RGS5: variants seen among roughly 807,000 people sequenced by gnomAD.
RGS5 encodes regulator of G protein signaling 5, also known as regulator of G-protein signalling 5.
In RGS5, 20 loss-of-function variants were observed where a neutral mutation model predicts 18.9. The observed-to-expected ratio is 1.06, with a 90% CI of 0.74 to 1.54. RGS5 has a LOEUF of 1.54. Ranked by LOEUF, RGS5 falls within the 40% of genes most tolerant of loss-of-function variation. RGS5 has a pLI of 0.00. For missense variants in RGS5, 201 were observed against 211.8 expected (o/e 0.95, Z 0.32); for synonymous variants, 57 against 76.2 (o/e 0.75, Z 1.31).
chr1:163,262,169 TATTATACTCTAAG>T (rs1648460264), intron 2 of RGS5, among the ~76,000 whole-genome samples: 1 of 143,558 alleles, frequency 7.0e-6, no homozygotes, highest in African/African-American at 2.6e-5. Context: ...TTTTTTTTTT[TATTATACTCTAAG>T]TTTTAGGGTA....
chr1:163,261,301 A>T (rs1648428143), intron 2 of RGS5, among the ~76,000 whole-genome samples: 1 of 152,066 alleles, frequency 6.6e-6, no homozygotes, highest in Non-Finnish European at 1.5e-5. Context: ...TCTTCTAGGT[A>T]TGGCAGTTTT....
intron 2 of RGS5, among the ~76,000 whole-genome samples, chr1:163,253,241 C>G: frequency 6.6e-6 from 1 of 152,160 alleles, no homozygotes; most frequent in East Asian, 1.9e-4. Flanking sequence ...CCAGTTCTCT[C>G]ATCATTTTCT....
At chr1:163,294,188 C>G (rs905253545) in intron 2 of RGS5, among the ~76,000 whole-genome samples, 12 of 152,204 alleles carry the variant, frequency 7.9e-5, no homozygotes, top group African/African-American at 2.9e-4. Flanking sequence ...TCCAACCCCC[C>G]ATTTCCTTTC....
intron 1 of RGS5, among the ~76,000 whole-genome samples, chr1:163,172,961 T>C (rs1330422490): frequency 6.6e-6 from 1 of 152,152 alleles, no homozygotes; most frequent in African/African-American, 2.4e-5. Flanking sequence ...CTCACAGACA[T>C]ATGAAAATAA....
At chr1:163,317,207 A>G (rs1650050468) in intron 1 of RGS5, among the ~76,000 whole-genome samples, 2 of 152,112 alleles carry the variant, frequency 1.3e-5, no homozygotes, top group Admixed American at 1.3e-4. Flanking sequence ...GTGTTACCTA[A>G]ATCAGAGACT....
intron 2 of RGS5, among the ~76,000 whole-genome samples, chr1:163,234,034 G>A (rs929397222): frequency 2.0e-5 from 3 of 152,220 alleles, no homozygotes; most frequent in Non-Finnish European, 4.4e-5. Flanking sequence ...TCAGGGGCCT[G>A]ACAATCAGTA....
At chr1:163,234,874 C>T (rs187977090) in intron 2 of RGS5, among the ~76,000 whole-genome samples, 206 of 152,318 alleles carry the variant, frequency 1.4e-3, no homozygotes, top group Middle Eastern at 3.4e-3. Context: ...GCTAATGGCT[C>T]AGCCTTTTTC....
At chr1:163,277,820 T>C (rs141247370) in intron 2 of RGS5, among the ~76,000 whole-genome samples, 116 of 152,212 alleles carry the variant, frequency 7.6e-4, no homozygotes, top group African/African-American at 2.6e-3. Flanking sequence ...AATGAAAAGA[T>C]AGATATCACT....
At chr1:163,224,344 T>C (rs1450825856) in intron 2 of RGS5, among the ~76,000 whole-genome samples, 1 of 152,244 alleles carries the variant, frequency 6.6e-6, no homozygotes, top group East Asian at 1.9e-4. Context: ...TAACATAATG[T>C]CCTCTATGTT....
At chr1:163,195,294 G>T (rs1355165099) in intron 1 of RGS5, among the ~76,000 whole-genome samples, 3 of 152,138 alleles carry the variant, frequency 2.0e-5, no homozygotes, top group African/African-American at 7.2e-5. Flanking sequence ...TGGAGCTGGA[G>T]GCTATCATTC....
intron 2 of RGS5, among the ~76,000 whole-genome samples, chr1:163,253,823 C>A (rs990430093): frequency 1.3e-5 from 2 of 149,584 alleles, no homozygotes; most frequent in African/African-American, 2.5e-5. Context: ...ACAACTGTCC[C>A]CAGACTGTGA....
intron 3 of RGS5, among the ~76,000 whole-genome samples, chr1:163,161,149 A>G (rs754304921): frequency 6.6e-6 from 1 of 152,208 alleles, no homozygotes; most frequent in South Asian, 2.1e-4. Context: ...GAGAGATATG[A>G]GTAAAAGATA....
At chr1:163,295,786 G>A (rs889575848) in intron 2 of RGS5, among the ~76,000 whole-genome samples, 1 of 152,176 alleles carries the variant, frequency 6.6e-6, no homozygotes, top group African/African-American at 2.4e-5. Context: ...GGTGACATCA[G>A]ATTGATATTG....
intron 2 of RGS5, among the ~76,000 whole-genome samples, chr1:163,269,336 C>G (rs1165203805): frequency 1.3e-5 from 2 of 152,092 alleles, no homozygotes; most frequent in African/African-American, 4.8e-5. Flanking sequence ...AGCATAGCTG[C>G]AAACAGAAGG....
At position 163,147,918 on chromosome 1, in the gene RGS5, C is replaced by CTTTTTTTTCTTTTTTTT. The variant is rs3065035; in HGVS notation, c.385-416_385-415insAAAAAAAAGAAAAAAAA. Among the ~76,000 whole-genome samples the CTTTTTTTTCTTTTTTTT allele has an allele frequency of 3.6e-3, 282 of 78,062 alleles. 2 individuals are homozygous for CTTTTTTTTCTTTTTTTT. The highest frequency in any genetic ancestry group is 7.8e-3 in the East Asian group (20 of 2,564). The allele number at this position is 78,062 out of a possible 152,430, so 51.2% of individuals were successfully genotyped here. A position where few individuals can be genotyped will look rare whatever the true frequency, so the allele number is the denominator to read the frequency against. On this transcript the variant is annotated intron_variant, in intron 4 of 4. Transcript: ENST00000313961. Reference sequence around the variant, plus strand: ...GGTGTCCTGGTGCTTTTTTCTTTTTCTTTTTTTTTTTTTTTTTTTTTTGTT... The same window carrying CTTTTTTTTCTTTTTTTT: ...GGTGTCCTGGTGCTTTTTTCTTTTTCTTTTTTTTCTTTTTTTTTTTTTTTTTTTTTTTTTTTTTTGTT...
At chr1:163,302,036 T>C (rs1649565880) in intron 2 of RGS5, among the ~76,000 whole-genome samples, 1 of 151,772 alleles carries the variant, frequency 6.6e-6, no homozygotes, top group African/African-American at 2.4e-5. Flanking sequence ...GATATGCTGT[T>C]TTTTATTTTA....
intron 1 of RGS5, among the ~76,000 whole-genome samples, chr1:163,186,877 C>T (rs4657249): frequency 0.95 from 144,428 of 152,182 alleles, 68,965 homozygotes; most frequent in Non-Finnish European, 1. Flanking sequence ...AAAAATCACA[C>T]CCCGTATGTG....
chr1:163,147,324 C>T lies in RGS5; in HGVS notation c.*18G>A. ...GAGGAAATAACTCACAGGATGATTT[C>T]ATAGCCTGGCTAAATTACTACTTGA... is the stretch of plus-strand genomic sequence containing the variant. On this transcript the variant is annotated 3_prime_UTR_variant, in exon 5 of 5. Transcript: ENST00000313961. 1 of 1,569,638 alleles carries T rather than the reference C, an allele frequency of 6.4e-7. No homozygotes were observed. Among genetic ancestry groups the T allele is most frequent in the South Asian group, 1.2e-5 (1 of 81,986 alleles).
intron 2 of RGS5, among the ~76,000 whole-genome samples, chr1:163,239,729 C>T (rs993244244): frequency 3.9e-5 from 6 of 152,176 alleles, no homozygotes; most frequent in Non-Finnish European, 8.8e-5. Flanking sequence ...TTCACCTCCT[C>T]TTGATCTGAT....
Sources: gnomAD v4.1 joint callset for allele counts (sites outside exome capture counted in the v4.1 genomes callset) on GRCh38, gnomAD v4.1.1 for gene constraint, MANE v1.5 for transcripts, NCBI Gene and HGNC (gene_info 2026-07-23, HGNC 2026-07-21) for gene names.